The following TMEM185A variants were observed in gnomAD, a reference collection of about 807,000 sequenced individuals.
TMEM185A encodes family with sequence similarity 11, member A.
In TMEM185A, 9 loss-of-function variants were observed where a neutral mutation model predicts 25.0. That is an observed-to-expected ratio of 0.36 (90% CI 0.22 to 0.63). TMEM185A has a LOEUF of 0.63. TMEM185A is among the 20% of genes least tolerant of loss of function. The probability of loss-of-function intolerance (pLI) is 0.68; values close to 1 mark genes in which losing one functional copy is unlikely to be tolerated. For synonymous variants in TMEM185A, 45 were observed against 93.5 expected, an observed-to-expected ratio of 0.48 and a Z score of 2.99; for missense variants, 103 against 237.4, an observed-to-expected ratio of 0.43 and a Z score of 3.72.
chrX:149,604,985 C>G (rs1355476781), intron 3 of TMEM185A, among the ~76,000 whole-genome samples: 1 of 111,886 alleles, frequency 8.9e-6, no homozygotes, highest in Non-Finnish European at 1.9e-5. Flanking sequence ...GAGCCACAAA[C>G]TCAGTCTTCT....
chrX:149,610,329 G>A (rs1260385863), intron 2 of TMEM185A, among the ~76,000 whole-genome samples: 1 of 102,986 alleles, frequency 9.7e-6, no homozygotes, highest in African/African-American at 3.6e-5. Context: ...TCAGGAGGCC[G>A]AGGCAGGAGA....
intron 1 of TMEM185A, among the ~76,000 whole-genome samples, chrX:149,624,156 T>C (rs1557355805): frequency 8.9e-6 from 1 of 112,623 alleles, no homozygotes; most frequent in Non-Finnish European, 1.9e-5. Flanking sequence ...CACTACTTCT[T>C]AAAATTCACT....
At chrX:149,612,287 G>A (rs1362068905) in intron 1 of TMEM185A, among the ~76,000 whole-genome samples, 1 of 112,035 alleles carries the variant, frequency 8.9e-6, no homozygotes, top group African/African-American at 3.2e-5. Context: ...CCCTACTATT[G>A]CCCCAGTTTG....
chrX:149,606,787 G>C, intron 3 of TMEM185A: 1 of 112,619 alleles, frequency 8.9e-6, no homozygotes, highest in East Asian at 2.8e-4. Flanking sequence ...CTGGTATGTT[G>C]TTTCTTCCAA....
intron 3 of TMEM185A, among the ~76,000 whole-genome samples, chrX:149,604,385 C>G (rs1029072862): frequency 3.6e-5 from 4 of 111,834 alleles, no homozygotes; most frequent in Non-Finnish European, 5.6e-5. Context: ...ACTAAACTTC[C>G]TTCATGTCCC....
At chrX:149,630,497 T>C (rs782438328) in intron 1 of TMEM185A, among the ~76,000 whole-genome samples, 2 of 111,783 alleles carry the variant, frequency 1.8e-5, no homozygotes, top group East Asian at 5.6e-4. Context: ...AAATATTTAC[T>C]GAGCACGTCT....
intron 1 of TMEM185A, among the ~76,000 whole-genome samples, chrX:149,617,889 A>G (rs1466275700): frequency 1.8e-5 from 2 of 112,320 alleles, no homozygotes; most frequent in Non-Finnish European, 3.8e-5. Flanking sequence ...TGATGAATCT[A>G]AAATGCACTA....
chrX:149,610,655 G>A (rs2090078413), intron 2 of TMEM185A, among the ~76,000 whole-genome samples: 1 of 110,963 alleles, frequency 9.0e-6, no homozygotes, highest in Non-Finnish European at 1.9e-5. Context: ...CAGGTTGCAT[G>A]CTGGCGTGAG....
rs782201317 is a variant in TMEM185A at position 149,608,735 on chromosome X, G to A, written c.315C>T (p.Ile105=). 2.5e-5 allele frequency: 30 copies of A among 1,209,914 alleles called. No homozygotes were observed. Among genetic ancestry groups the A allele is most frequent in the Middle Eastern group, 2.3e-4 (1 of 4,371 alleles). ...GGAGCCAGAAATGGCTTCCTCTCTC[G>A]ATTCTGTCACAGACCAGAACTTCAA... The part of the protein sequence containing the change: ...LMFEVLVCDR[I]ERGSHFWLLV... Residue 105 remains isoleucine (I), a synonymous_variant, in exon 3 of 7, where the codon ATC becomes ATT. Coordinates refer to ENST00000600449, the MANE Select transcript of TMEM185A (RefSeq NM_032508.4).
rs189807131 is a variant in TMEM185A, at chrX:149,627,395, A to C, written c.38+4148T>G. On this transcript the variant is annotated intron_variant, in intron 1 of 6. Coordinates refer to ENST00000600449, the MANE Select transcript of TMEM185A (RefSeq NM_032508.4). ...GGGTTGGGACTAAAGTTACAGGTTAACAGCATCTCAAAGCAGAAACAATTT... is the reference window on the plus strand; with the variant it reads ...GGGTTGGGACTAAAGTTACAGGTTACCAGCATCTCAAAGCAGAAACAATTT... 1.5e-3 allele frequency among the ~76,000 whole-genome samples: 167 copies of C among 112,683 alleles called. 1 individual carries two copies. Among genetic ancestry groups the C allele is most frequent in the African/African-American group, 5.2e-3 (160 of 30,995 alleles).
At chrX:149,603,932 G>A (rs782713543) in intron 4 of TMEM185A, 55 bp downstream of exon 4, 11 of 1,020,315 alleles carry the variant, frequency 1.1e-5, no homozygotes, top group Non-Finnish European at 1.2e-5. Context: ...CAGTGAATAT[G>A]AATTACTTTT....
At position 149,631,770 on chromosome X, in the gene TMEM185A, G is replaced by A. The variant is rs1472719424; in HGVS notation, c.-190C>T. ...CGCCGCCGCCGCCGCCGCCGCCGCC[G>A]CCGCCGCCGCCCGGAGAAACCTGAG... On this transcript the variant is annotated 5_prime_UTR_variant, in exon 1 of 7. Transcript: ENST00000600449. 1.9e-5 allele frequency: 2 copies of A among 106,140 alleles called. No individual in the cohort carries two copies. The highest frequency in any genetic ancestry group is 3.0e-5 in the Non-Finnish European group (2 of 65,636). 8.7% of individuals were successfully genotyped at this position (106,140 alleles called of 1,213,427 possible).
chrX:149,614,364 G>T (rs782116519), intron 1 of TMEM185A, among the ~76,000 whole-genome samples: 1 of 111,639 alleles, frequency 9.0e-6, no homozygotes, highest in East Asian at 2.8e-4. Flanking sequence ...AAAATATTTT[G>T]GACTAAAGGC....
At chrX:149,631,126 A>G (rs1557356563) in intron 1 of TMEM185A, among the ~76,000 whole-genome samples, 3 of 110,383 alleles carry the variant, frequency 2.7e-5, no homozygotes, top group African/African-American at 9.9e-5. Flanking sequence ...AACTGGAGGA[A>G]ACAGCTGGGG....
intron 3 of TMEM185A, chrX:149,605,334 TGGCCTCCC>T (rs2090042598): frequency 2.0e-5 from 2 of 101,836 alleles, no homozygotes; most frequent in Non-Finnish European, 4.0e-5. Flanking sequence ...TCACTTTCTA[TGGCCTCCC>T]ATGTCACTTT....
intron 1 of TMEM185A, among the ~76,000 whole-genome samples, chrX:149,626,389 C>T (rs1557356019): frequency 1.8e-5 from 2 of 112,478 alleles, no homozygotes; most frequent in African/African-American, 6.5e-5. Context: ...TTTGCAGTAA[C>T]TATGTATTTT....
At chrX:149,606,671 GC>G (rs1482539703) in intron 3 of TMEM185A, 1 of 112,103 alleles carries the variant, frequency 8.9e-6, no homozygotes, top group Non-Finnish European at 1.9e-5. Flanking sequence ...GGGCTTCCTG[GC>G]AGACCCTCAA....
At chrX:149,613,302 T>A (rs2090093949) in intron 1 of TMEM185A, among the ~76,000 whole-genome samples, 1 of 111,584 alleles carries the variant, frequency 9.0e-6, no homozygotes, top group African/African-American at 3.3e-5. Flanking sequence ...GTCAGAGAAA[T>A]GTGGTGGAAG....
intron 1 of TMEM185A, among the ~76,000 whole-genome samples, chrX:149,626,853 C>G (rs1281679699): frequency 8.9e-6 from 1 of 112,300 alleles, no homozygotes; most frequent in Non-Finnish European, 1.9e-5. Flanking sequence ...TTATGTTTCT[C>G]TTTACCCAAA....
Sources: allele counts gnomAD v4.1 joint callset (sites outside exome capture counted in the v4.1 genomes callset), GRCh38; gene constraint gnomAD v4.1.1; transcripts MANE v1.5; gene names NCBI Gene and HGNC (gene_info 2026-07-23, HGNC 2026-07-21).